SLCO3A1: variants seen among roughly 807,000 people sequenced by gnomAD.
The protein encoded by SLCO3A1 is PGE1 transporter.
In SLCO3A1, 27 loss-of-function variants were observed where a neutral mutation model predicts 63.1. The ratio of observed to expected loss-of-function variants is 0.43; its 90% CI spans 0.32 to 0.59. The LOEUF is 0.59. SLCO3A1 is among the 20% of genes least tolerant of loss of function. SLCO3A1 has a pLI of 0.09. For missense variants in SLCO3A1, 773 were observed against 945.8 expected, an observed-to-expected ratio of 0.82 and a Z score of 2.40; for synonymous variants, 473 against 409.9, an observed-to-expected ratio of 1.15 and a Z score of -1.86.
chr15:92,021,420 T>C (rs957862416), intron 2 of SLCO3A1, among the ~76,000 whole-genome samples: 5 of 152,176 alleles, frequency 3.3e-5, no homozygotes, highest in African/African-American at 9.6e-5. Flanking sequence ...AATGAGTAAA[T>C]AGCTGATGGG....
At chr15:91,959,017 C>T (rs1018966352) in intron 2 of SLCO3A1, among the ~76,000 whole-genome samples, 2 of 152,174 alleles carry the variant, frequency 1.3e-5, no homozygotes, top group Non-Finnish European at 2.9e-5. Context: ...ATGGAACCAA[C>T]CTAACTGCCC....
chr15:91,889,967 G>C (rs1567172989), intron 1 of SLCO3A1, among the ~76,000 whole-genome samples: 1 of 152,174 alleles, frequency 6.6e-6, no homozygotes. Flanking sequence ...TTAATTTCTT[G>C]CTAGAAACAA....
chr15:92,149,999 T>C (rs1455596050), intron 8 of SLCO3A1, among the ~76,000 whole-genome samples: 1 of 152,114 alleles, frequency 6.6e-6, no homozygotes, highest in Non-Finnish European at 1.5e-5. Flanking sequence ...TGTGTTTCTG[T>C]CCAGAGGCAC....
chr15:91,972,612 T>C (rs1489246425), intron 2 of SLCO3A1, among the ~76,000 whole-genome samples: 3 of 152,204 alleles, frequency 2.0e-5, no homozygotes, highest in Non-Finnish European at 4.4e-5. Flanking sequence ...TCAAACAGAC[T>C]GAGGCTCAAG....
rs750721508 is a variant in SLCO3A1, at chr15:91,882,434, T to C, written c.180+28346T>C. On this transcript the variant is annotated intron_variant, in intron 1 of 9. Coordinates refer to ENST00000318445, the MANE Select transcript of SLCO3A1 (RefSeq NM_013272.4). The surrounding 1 kb of genome is among the most constrained non-coding windows in gnomAD (Gnocchi z 4.4). Reference sequence around the variant, plus strand: ...AATATTTACTAAATGAATCAATGAATGATCAAACAGAGGGACATGAAATTT... The same window carrying C: ...AATATTTACTAAATGAATCAATGAACGATCAAACAGAGGGACATGAAATTT... 1.3e-5 allele frequency among the ~76,000 whole-genome samples: 2 copies of C among 152,198 alleles called. No individual in the cohort carries two copies. Among genetic ancestry groups the C allele is most frequent in the Non-Finnish European group, 2.9e-5 (2 of 68,038 alleles).
intron 4 of SLCO3A1, among the ~76,000 whole-genome samples, chr15:92,109,628 A>G (rs879778743): frequency 5.3e-5 from 8 of 152,192 alleles, no homozygotes; most frequent in Admixed American, 1.3e-4. Context: ...TGAGCGCTTC[A>G]TGCTGACTGC....
chr15:91,894,054 A>T lies in SLCO3A1; in HGVS notation c.181-21939A>T, dbSNP rs4932584. ...TTCTCAGGAGGGGACGTTTGAGCTA[A>T]GACCTGCCTGGGGAGAAATCAGCCT... On this transcript the variant is annotated intron_variant, in intron 1 of 9. Coordinates refer to ENST00000318445, the MANE Select transcript of SLCO3A1 (RefSeq NM_013272.4). This position sits in a 1 kb window ranked among gnomAD's most constrained non-coding sequence, Gnocchi z 4.8. Among the ~76,000 whole-genome samples, 1 of 152,068 alleles carries T rather than the reference A, an allele frequency of 6.6e-6. No individual in the cohort carries two copies. Among genetic ancestry groups the T allele is most frequent in the African/African-American group, 2.4e-5 (1 of 41,408 alleles).
At chr15:91,898,831 C>T (rs1460136013) in intron 1 of SLCO3A1, among the ~76,000 whole-genome samples, 1 of 151,880 alleles carries the variant, frequency 6.6e-6, no homozygotes, top group Admixed American at 6.6e-5. Flanking sequence ...CATGGGGGGA[C>T]AATTAGGAAG....
chr15:91,936,591 C>T (rs1477650400), intron 2 of SLCO3A1, among the ~76,000 whole-genome samples: 1 of 152,184 alleles, frequency 6.6e-6, no homozygotes, highest in Non-Finnish European at 1.5e-5. Context: ...AGTTTCTTTT[C>T]TACAAATAGA....
Position 92,104,441 on chromosome 15 carries a change from T to C in SLCO3A1, c.908T>C (p.Met303Thr), listed in dbSNP as rs987383354. ...CCCGCCATGGAAAGCGAGCAGGCCA[T>C]GCTCTCCGAAAGAGAATACGAGAGA... ...SEPAMESEQA[M>T]LSEREYERPK... Residue 303 changes from methionine to threonine, a missense_variant, in exon 4 of 10, where the codon ATG becomes ACG. Coordinates refer to ENST00000318445, the MANE Select transcript of SLCO3A1 (RefSeq NM_013272.4). 2 of 1,614,042 alleles carry C rather than the reference T, an allele frequency of 1.2e-6. No individual in the cohort carries two copies. Among genetic ancestry groups the C allele is most frequent in the Non-Finnish European group, 8.5e-7 (1 of 1,180,028 alleles).
At chr15:91,965,423 A>G (rs183555912) in intron 2 of SLCO3A1, among the ~76,000 whole-genome samples, 1 of 152,222 alleles carries the variant, frequency 6.6e-6, no homozygotes. Flanking sequence ...GACAGGTCCA[A>G]ATAAATATCC....
chr15:91,938,243 T>C (rs960611249), intron 2 of SLCO3A1, among the ~76,000 whole-genome samples: 1 of 152,200 alleles, frequency 6.6e-6, no homozygotes, highest in Admixed American at 6.5e-5. Flanking sequence ...TTGTGAAATT[T>C]AGGTATTGTC....
intron 4 of SLCO3A1, among the ~76,000 whole-genome samples, chr15:92,114,811 G>A (rs207952): frequency 0.72 from 109,511 of 151,972 alleles, 41,146 homozygotes; most frequent in East Asian, 0.94. Flanking sequence ...TGTTAAGCAC[G>A]TGGACTTTGG....
rs143269209 is a variant in SLCO3A1, at chr15:92,008,696, G to A, written c.647-86185G>A. Among the ~76,000 whole-genome samples, 203 of 152,274 alleles carry A rather than the reference G, an allele frequency of 1.3e-3. 2 individuals carry two copies. Among genetic ancestry groups the A allele is most frequent in the African/African-American group, 4.6e-3 (193 of 41,560 alleles). On this transcript the variant is annotated intron_variant, in intron 2 of 9. Coordinates refer to ENST00000318445, the MANE Select transcript of SLCO3A1 (RefSeq NM_013272.4). ...TTTATACACACATGCACAGAGATAG[G>A]TATAAGTTGTTTTCTCAATGATGTT... is the stretch of plus-strand genomic sequence containing the variant.
chr15:92,026,806 T>G (rs1447456138), intron 2 of SLCO3A1, among the ~76,000 whole-genome samples: 1 of 152,206 alleles, frequency 6.6e-6, no homozygotes, highest in Non-Finnish European at 1.5e-5. Flanking sequence ...GCATAGATTA[T>G]GGCCGGGCAC....
intron 2 of SLCO3A1, among the ~76,000 whole-genome samples, chr15:91,997,018 G>A (rs375718564): frequency 6.6e-5 from 10 of 152,260 alleles, no homozygotes; most frequent in African/African-American, 1.7e-4. Context: ...AATTAGGCAG[G>A]AGAAAGAAAT....
intron 7 of SLCO3A1, among the ~76,000 whole-genome samples, chr15:92,140,923 A>C (rs148327760): frequency 6.6e-6 from 1 of 152,144 alleles, no homozygotes; most frequent in Admixed American, 6.5e-5. Flanking sequence ...GACTGCTGCA[A>C]AACTTGAGCT....
At chr15:92,145,401 A>G (rs1319117021) in intron 7 of SLCO3A1, among the ~76,000 whole-genome samples, 1 of 147,450 alleles carries the variant, frequency 6.8e-6, no homozygotes, top group Non-Finnish European at 1.5e-5. Context: ...TCTCATGTGT[A>G]TTCTAAAGCT....
At chr15:92,016,254 TTAGA>T (rs1555424441) in intron 2 of SLCO3A1, among the ~76,000 whole-genome samples, 1,337 of 95,674 alleles carry the variant, frequency 0.014, 19 homozygotes, top group African/African-American at 0.028. Context: ...GATAGATAGA[TTAGA>T]TAGATAGATA....
Sources: allele counts gnomAD v4.1 joint callset (sites outside exome capture counted in the v4.1 genomes callset), GRCh38; gene constraint gnomAD v4.1.1; non-coding constraint Gnocchi (gnomAD v3.1); transcripts MANE v1.5; gene names NCBI Gene and HGNC (gene_info 2026-07-23, HGNC 2026-07-21).